Variants in GSAP observed in about 807,000 individuals in gnomAD.
The protein encoded by GSAP is gamma-secretase activating protein.
In GSAP, 118 loss-of-function variants were observed where a neutral mutation model predicts 131.7. That is an observed-to-expected ratio of 0.90 (90% CI 0.77 to 1.04). The LOEUF (loss-of-function observed/expected upper bound fraction) is 1.04, where lower values mean the gene tolerates loss of function less well. Ranked by LOEUF, GSAP falls within the 50% of genes least tolerant of loss-of-function variation. The pLI is 0.00. For synonymous variants in GSAP, 381 were observed against 363.4 expected (o/e 1.05, Z -0.55); for missense variants, 1,019 against 1,013.2 (o/e 1.01, Z -0.08).
intron 19 of GSAP, among the ~76,000 whole-genome samples, chr7:77,332,809 A>T (rs1789364140): frequency 6.6e-6 from 1 of 152,190 alleles, no homozygotes; most frequent in Admixed American, 6.5e-5. Flanking sequence ...TATCTTACAG[A>T]TATTAAGATA....
chr7:77,373,958 A>G, intron 12 of GSAP, 112 bp downstream of exon 12: 3 of 695,284 alleles, frequency 4.3e-6, no homozygotes, highest in Non-Finnish European at 7.8e-6. Context: ...GATCACCGAC[A>G]TAAAAATGTA....
At chr7:77,413,336 T>C (rs1364914008) in intron 1 of GSAP, among the ~76,000 whole-genome samples, 2 of 152,206 alleles carry the variant, frequency 1.3e-5, no homozygotes, top group Non-Finnish European at 2.9e-5. Context: ...ACGTGGTCCA[T>C]ACCCAAAAGG....
intron 8 of GSAP, among the ~76,000 whole-genome samples, chr7:77,377,604 A>G (rs1416691627): frequency 6.6e-6 from 1 of 152,152 alleles, no homozygotes; most frequent in Non-Finnish European, 1.5e-5. Context: ...TCCCACGTAT[A>G]ATATATGATT....
intron 12 of GSAP, among the ~76,000 whole-genome samples, chr7:77,363,001 C>G (rs1165665518): frequency 1.3e-5 from 2 of 152,232 alleles, no homozygotes; most frequent in Non-Finnish European, 2.9e-5. Flanking sequence ...CCTTATCTAG[C>G]TTGTCACCTT....
intron 28 of GSAP, 44 bp downstream of exon 28, chr7:77,313,443 TA>T: frequency 1.1e-6 from 1 of 950,934 alleles, no homozygotes. Context: ...TGAAGGAGGG[TA>T]ATGCCAAAGC....
intron 14 of GSAP, 140 bp from the exon 15 acceptor site, chr7:77,355,787 G>GTATTTTTTT: frequency 3.4e-6 from 1 of 291,652 alleles, no homozygotes; most frequent in Non-Finnish European, 6.1e-6. Flanking sequence ...ATGACAGCCC[G>GTATTTTTTT]TTTTTTTTTT....
chr7:77,411,528 C>CA (rs1163481063), intron 1 of GSAP, among the ~76,000 whole-genome samples: 7 of 151,884 alleles, frequency 4.6e-5, no homozygotes, highest in Non-Finnish European at 8.8e-5. Context: ...ATGAGAGCAA[C>CA]AAAAAAATAA....
chr7:77,412,998 G>T (rs778256535), intron 1 of GSAP, among the ~76,000 whole-genome samples: 14 of 152,108 alleles, frequency 9.2e-5, no homozygotes, highest in Admixed American at 3.9e-4. Flanking sequence ...TGTGCACCAG[G>T]TGGTTAGTAA....
intron 12 of GSAP, among the ~76,000 whole-genome samples, chr7:77,370,030 T>C (rs1250187866): frequency 6.6e-6 from 1 of 152,162 alleles, no homozygotes; most frequent in Non-Finnish European, 1.5e-5. Context: ...TTTTATTAAA[T>C]ATGTCATAAC....
chr7:77,327,912 A>G (rs191699983), intron 22 of GSAP, among the ~76,000 whole-genome samples: 47 of 152,258 alleles, frequency 3.1e-4, no homozygotes, highest in African/African-American at 1.1e-3. Context: ...GCCACATGTT[A>G]ACATTTCTTC....
rs142462558 is a variant in GSAP, at chr7:77,387,822, G to T, written c.368-374C>A. Among the ~76,000 whole-genome samples, 773 of 152,290 alleles carry T rather than the reference G, an allele frequency of 5.1e-3. 7 individuals carry two copies. Among genetic ancestry groups the T allele is most frequent in the African/African-American group, 0.017 (713 of 41,562 alleles). ...TGGAAACAACAGTAGATACAAGGGA[G>T]ACAAATTTCAGATTATAAGAATTCT... On this transcript the variant is annotated intron_variant, in intron 5 of 30. Transcript: ENST00000257626.
At chr7:77,408,369 G>A (rs1399321165) in intron 1 of GSAP, among the ~76,000 whole-genome samples, 1 of 151,968 alleles carries the variant, frequency 6.6e-6, no homozygotes, top group African/African-American at 2.4e-5. Flanking sequence ...TCACTAATTG[G>A]GCAGAAGTGT....
intron 8 of GSAP, among the ~76,000 whole-genome samples, chr7:77,379,569 C>A (rs1584612899): frequency 6.6e-6 from 1 of 152,224 alleles, no homozygotes; most frequent in South Asian, 2.1e-4. Context: ...CAGTGTGTGT[C>A]TGTCTGCCTC....
chr7:77,365,898 G>GTTT (rs35007328), intron 12 of GSAP, among the ~76,000 whole-genome samples: 5 of 115,592 alleles, frequency 4.3e-5, no homozygotes, highest in East Asian at 2.7e-4. Context: ...GCAACTGTGG[G>GTTT]TTTTTTTTTT....
intron 3 of GSAP, among the ~76,000 whole-genome samples, chr7:77,399,805 G>A (rs551857683): frequency 6.6e-6 from 1 of 152,020 alleles, no homozygotes; most frequent in Non-Finnish European, 1.5e-5. Context: ...TTTCAATGAC[G>A]ACTCTGAAAT....
At chr7:77,398,695 G>A (rs1422170017) in intron 3 of GSAP, among the ~76,000 whole-genome samples, 1 of 151,972 alleles carries the variant, frequency 6.6e-6, no homozygotes, top group African/African-American at 2.4e-5. Flanking sequence ...TTGAGCCCAG[G>A]AGGTCAAGAC....
intron 19 of GSAP, among the ~76,000 whole-genome samples, chr7:77,337,309 G>GC (rs1309238580): frequency 6.7e-6 from 1 of 149,976 alleles, no homozygotes; most frequent in Admixed American, 6.7e-5. Context: ...GGTGGGGGGG[G>GC]GGTTACAGGC....
intron 14 of GSAP, among the ~76,000 whole-genome samples, chr7:77,359,675 A>C (rs1453483156): frequency 1.3e-5 from 2 of 152,328 alleles, no homozygotes; most frequent in East Asian, 3.9e-4. Context: ...CTATTTTTAC[A>C]AAGCTTATAT....
Position 77,312,148 on chromosome 7 carries a change from T to C in GSAP, c.2326A>G (p.Ile776Val), listed in dbSNP as rs1309777777. Reference sequence around the variant, plus strand: ...AGTCGCGTCACGTGGTTCCGCGAAATGATGTTAGAACTCATAGGATGATCC... The same window carrying C: ...AGTCGCGTCACGTGGTTCCGCGAAACGATGTTAGAACTCATAGGATGATCC... ...LWDHPMSSNI[I>V]SRNHVTRLLQ... Residue 776 changes from isoleucine (I) to valine (V), a missense_variant, in exon 29 of 31, where the codon ATT (isoleucine) becomes GTT (valine). Physicochemically the swap from Ile to Val is conservative, Grantham distance 29. Coordinates refer to ENST00000257626, the MANE Select transcript of GSAP (RefSeq NM_017439.4). 4 of 1,605,440 alleles carry C rather than the reference T, an allele frequency of 2.5e-6. No individual in the cohort carries two copies. The highest frequency in any genetic ancestry group is 2.5e-6 in the Non-Finnish European group (3 of 1,176,976).
Sources: allele counts gnomAD v4.1 joint callset (sites outside exome capture counted in the v4.1 genomes callset), GRCh38; gene constraint gnomAD v4.1.1; transcripts MANE v1.5; gene names NCBI Gene and HGNC (gene_info 2026-07-23, HGNC 2026-07-21).